The following CATSPERE variants were observed in gnomAD, a reference collection of about 807,000 sequenced individuals.
CATSPERE encodes catsper channel auxiliary subunit epsilon.
In CATSPERE, 93 loss-of-function variants were observed where a neutral mutation model predicts 114.1. The ratio of observed to expected loss-of-function variants is 0.81; its 90% CI spans 0.69 to 0.97. The LOEUF is 0.97. Ranked by LOEUF, CATSPERE falls within the 50% of genes least tolerant of loss-of-function variation. The pLI is 0.00. For missense variants in CATSPERE, 1,058 were observed against 1,131.6 expected (o/e 0.93, Z 0.93); for synonymous variants, 341 against 384.1 (o/e 0.89, Z 1.31).
intron 6 of CATSPERE, 126 bp downstream of exon 6, chr1:244,490,597 A>C (rs1043284212): frequency 2.7e-5 from 16 of 600,840 alleles, no homozygotes; most frequent in Non-Finnish European, 4.4e-5. Flanking sequence ...TGCTTAGAGT[A>C]TACCTTTCTA....
chr1:244,590,053 T>A (rs1332043947), intron 14 of CATSPERE, among the ~76,000 whole-genome samples: 1 of 152,162 alleles, frequency 6.6e-6, no homozygotes, highest in Non-Finnish European at 1.5e-5. Flanking sequence ...TTGTCAACTC[T>A]TGGGGTCCAA....
chr1:244,490,426 G>C (rs377308036), intron 5 of CATSPERE, 21 bp from the exon 6 acceptor site: 2 of 1,523,084 alleles, frequency 1.3e-6, no homozygotes, highest in Admixed American at 3.5e-5. Context: ...ACTAAAATAT[G>C]TTTCCTCTTT....
At chr1:244,622,271 T>G (rs936892309) in intron 20 of CATSPERE, among the ~76,000 whole-genome samples, 1 of 152,220 alleles carries the variant, frequency 6.6e-6, no homozygotes, top group Non-Finnish European at 1.5e-5. Flanking sequence ...ATTCCTAGTA[T>G]CTATATGTGG....
In CATSPERE at chr1:244,593,432, A is replaced by G; in HGVS notation, c.2223+4A>G. ...GCATCAGCCATCGAAAAACTTGGTA[A>G]GAAAATGATAAAATTCTGTCAATGG... is the stretch of plus-strand genomic sequence containing the variant. On this transcript the variant is annotated splice_donor_region_variant and intron_variant, in intron 16 of 21. Coordinates refer to ENST00000366534, the MANE Select transcript of CATSPERE (RefSeq NM_001130957.2). The G allele has an allele frequency of 1.2e-6, 2 of 1,613,586 alleles. No homozygotes were observed. The highest frequency in any genetic ancestry group is 1.7e-6 in the Non-Finnish European group (2 of 1,179,950).
intron 7 of CATSPERE, among the ~76,000 whole-genome samples, chr1:244,505,732 C>T (rs1050906176): frequency 6.6e-6 from 1 of 152,078 alleles, no homozygotes; most frequent in African/African-American, 2.4e-5. Context: ...TTTGGCTGGG[C>T]GTGGTGGCTC....
intron 17 of CATSPERE, among the ~76,000 whole-genome samples, chr1:244,600,586 A>G (rs188711749): frequency 2.0e-5 from 3 of 152,334 alleles, no homozygotes. Context: ...GAAGCTAAAA[A>G]CTATCAACTA....
chr1:244,515,195 C>T (rs1459746686), intron 7 of CATSPERE: 14 of 249,042 alleles, frequency 5.6e-5, no homozygotes, highest in Non-Finnish European at 3.8e-5. Flanking sequence ...ATACACGAGC[C>T]GTTATTTTCC....
At chr1:244,525,600 T>G (rs188073360) in intron 8 of CATSPERE, among the ~76,000 whole-genome samples, 3 of 152,294 alleles carry the variant, frequency 2.0e-5, no homozygotes, top group Admixed American at 2.0e-4. Flanking sequence ...ACAACCAATT[T>G]GAAAGAATTT....
intron 12 of CATSPERE, among the ~76,000 whole-genome samples, chr1:244,582,297 T>C (rs904542223): frequency 1.3e-5 from 2 of 152,168 alleles, no homozygotes; most frequent in Admixed American, 6.5e-5. Context: ...ACAACCAACA[T>C]GGAATTCTGT....
At chr1:244,487,292 C>G (rs1461637119) in intron 5 of CATSPERE, among the ~76,000 whole-genome samples, 2 of 152,118 alleles carry the variant, frequency 1.3e-5, no homozygotes, top group Non-Finnish European at 2.9e-5. Context: ...CTTCTAGTCA[C>G]CTGGTGGGTG....
intron 7 of CATSPERE, among the ~76,000 whole-genome samples, chr1:244,511,733 C>A (rs114479228): frequency 8.5e-5 from 13 of 152,264 alleles, no homozygotes; most frequent in Non-Finnish European, 1.9e-4. Context: ...TCTTGTAGGG[C>A]TGATCTATTG....
intron 8 of CATSPERE, among the ~76,000 whole-genome samples, chr1:244,552,057 C>CT (rs1187849503): frequency 2.5e-5 from 2 of 79,054 alleles, no homozygotes; most frequent in African/African-American, 1.0e-4. Context: ...GAGAGACACT[C>CT]TGTCTCCAAA....
intron 6 of CATSPERE, among the ~76,000 whole-genome samples, chr1:244,495,406 C>T (rs1323751942): frequency 6.6e-6 from 1 of 152,004 alleles, no homozygotes; most frequent in Non-Finnish European, 1.5e-5. Flanking sequence ...AACTAACCTC[C>T]CTATATGAAG....
intron 20 of CATSPERE, among the ~76,000 whole-genome samples, chr1:244,630,081 T>G (rs1185111118): frequency 6.6e-6 from 1 of 152,008 alleles, no homozygotes; most frequent in Non-Finnish European, 1.5e-5. Flanking sequence ...GATCATAGAG[T>G]GGATGTGGTC....
chr1:244,491,167 T>G (rs1217540952), intron 6 of CATSPERE, among the ~76,000 whole-genome samples: 1 of 151,912 alleles, frequency 6.6e-6, no homozygotes, highest in Non-Finnish European at 1.5e-5. Flanking sequence ...ACACCACACC[T>G]ATTCCAAAAT....
At chr1:244,496,192 A>G (rs3006023) in intron 6 of CATSPERE, among the ~76,000 whole-genome samples, 1 of 152,244 alleles carries the variant, frequency 6.6e-6, no homozygotes, top group African/African-American at 2.4e-5. Context: ...GGCAGATAGT[A>G]AAGGACACAA....
intron 2 of CATSPERE, among the ~76,000 whole-genome samples, chr1:244,473,308 G>A (rs1668773504): frequency 6.6e-6 from 1 of 152,076 alleles, no homozygotes; most frequent in African/African-American, 2.4e-5. Flanking sequence ...ATTCCAATAG[G>A]TGTGTTGTGG....
At chr1:244,469,178 G>A (rs547684672) in intron 2 of CATSPERE, among the ~76,000 whole-genome samples, 1 of 152,156 alleles carries the variant, frequency 6.6e-6, no homozygotes, top group South Asian at 2.1e-4. Context: ...CACAGAATTT[G>A]TTCTCTGTTT....
chr1:244,591,741 T>A lies in CATSPERE; in HGVS notation c.2189+10T>A. 2 of 1,481,550 alleles carry A rather than the reference T, an allele frequency of 1.3e-6. No homozygotes were observed. Among genetic ancestry groups the A allele is most frequent in the Non-Finnish European group, 1.9e-6 (2 of 1,066,886 alleles). The allele number at this position is 1,481,550 out of a possible 1,614,324, so 91.8% of individuals were successfully genotyped here. On this transcript the variant is annotated intron_variant, in intron 15 of 21. Transcript: ENST00000366534. ...CATACGTGATTGAAAAGTAAGAAAT[T>A]TTTTAACATAAGCACTGAGTTTTAT... is the stretch of plus-strand genomic sequence containing the variant.
Sources: allele counts gnomAD v4.1 joint callset (sites outside exome capture counted in the v4.1 genomes callset), GRCh38; gene constraint gnomAD v4.1.1; transcripts MANE v1.5; gene names NCBI Gene and HGNC (gene_info 2026-07-23, HGNC 2026-07-21).